The following NEDD4L variants were observed in gnomAD, a reference collection of about 807,000 sequenced individuals.
NEDD4L encodes NEDD4 like E3 ubiquitin protein ligase.
In NEDD4L, 54 loss-of-function variants were observed where a neutral mutation model predicts 148.9. The observed-to-expected ratio is 0.36, with a 90% CI of 0.29 to 0.45. The LOEUF is 0.45. NEDD4L is among the 20% of genes least tolerant of loss of function. The pLI is 1.00. For synonymous variants in NEDD4L, 433 were observed against 440.7 expected (o/e 0.98, Z 0.22); for missense variants, 856 against 1,233.8 (o/e 0.69, Z 4.59).
At chr18:58,072,658 A>G (rs2082927698) in intron 1 of NEDD4L, among the ~76,000 whole-genome samples, 1 of 152,224 alleles carries the variant, frequency 6.6e-6, no homozygotes, top group African/African-American at 2.4e-5. Flanking sequence ...TTCTCCTAAG[A>G]TTATGAGTGA....
chr18:58,145,718 T>C (rs1484882141), intron 1 of NEDD4L, among the ~76,000 whole-genome samples: 1 of 152,098 alleles, frequency 6.6e-6, no homozygotes. Flanking sequence ...TAGAAGTGGA[T>C]TACTTGCAGC....
At chr18:58,218,276 G>T (rs960471848) in intron 2 of NEDD4L, among the ~76,000 whole-genome samples, 2 of 152,216 alleles carry the variant, frequency 1.3e-5, no homozygotes, top group South Asian at 4.1e-4. Context: ...AGTCTTTTAA[G>T]TGTAGTCAAC....
At chr18:58,115,680 A>G (rs925409376) in intron 1 of NEDD4L, among the ~76,000 whole-genome samples, 1 of 152,150 alleles carries the variant, frequency 6.6e-6, no homozygotes, top group African/African-American at 2.4e-5. Flanking sequence ...TGCTGCCTAA[A>G]TGGAGGGAAT....
intron 1 of NEDD4L, among the ~76,000 whole-genome samples, chr18:58,138,124 C>T (rs988907501): frequency 6.6e-6 from 1 of 152,116 alleles, no homozygotes; most frequent in Non-Finnish European, 1.5e-5. Context: ...TTTGATGGCT[C>T]CTCTCTTTTT....
rs144440798 is a variant in NEDD4L at position 58,226,553 on chromosome 18, A to G, written c.123-18874A>G. Among the ~76,000 whole-genome samples the G allele has an allele frequency of 1.7e-4, 26 of 152,306 alleles. No individual in the cohort carries two copies. In the East Asian group the frequency reaches 3.9e-3, roughly 23 times the overall value. ...AGCAACACAGTCATGAGACCATTCT[A>G]TTACTTCCTAAATTTCTTAAAGCTT... On this transcript the variant is annotated intron_variant, in intron 2 of 30. Transcript: ENST00000400345.
intron 1 of NEDD4L, among the ~76,000 whole-genome samples, chr18:58,106,834 T>C (rs893176314): frequency 6.6e-6 from 1 of 152,196 alleles, no homozygotes; most frequent in Non-Finnish European, 1.5e-5. Flanking sequence ...TAGAAAGGAC[T>C]TGAGCCAGGA....
rs192288228 is a variant in NEDD4L at position 58,229,072 on chromosome 18, G to A, written c.123-16355G>A. 1.5e-3 allele frequency among the ~76,000 whole-genome samples: 221 copies of A among 152,202 alleles called. 1 individual carries two copies. The highest frequency in any genetic ancestry group is 7.4e-4 in the Non-Finnish European group (50 of 68,006). ...CTAGAACACTGCTCTGCGGTAAAAC[G>A]ACTTTGCTAACCATGGAAGAGGGTG... On this transcript the variant is annotated intron_variant, in intron 2 of 30. Transcript: ENST00000400345.
At chr18:58,315,588 G>A (rs1216838403) in intron 5 of NEDD4L, among the ~76,000 whole-genome samples, 1 of 152,146 alleles carries the variant, frequency 6.6e-6, no homozygotes, top group East Asian at 1.9e-4. Flanking sequence ...CAGCTCTCAA[G>A]AAGCTCTTTA....
At chr18:58,096,079 G>C (rs1418139115) in intron 1 of NEDD4L, among the ~76,000 whole-genome samples, 1 of 152,068 alleles carries the variant, frequency 6.6e-6, no homozygotes, top group African/African-American at 2.4e-5. Flanking sequence ...AATGCCAAAT[G>C]TTTACATGGA....
chr18:58,143,992 G>T (rs1599076097), intron 1 of NEDD4L, among the ~76,000 whole-genome samples: 1 of 152,042 alleles, frequency 6.6e-6, no homozygotes, highest in South Asian at 2.1e-4. Flanking sequence ...AGGTGGTTCA[G>T]TTAGTATTTT....
intron 30 of NEDD4L, among the ~76,000 whole-genome samples, chr18:58,391,841 T>C (rs966271345): frequency 2.6e-5 from 4 of 152,260 alleles, no homozygotes; most frequent in Admixed American, 1.3e-4. Flanking sequence ...GAGCTTTCAC[T>C]GTTCAGCATA....
At chr18:58,276,699 AT>A (rs1237739091) in intron 5 of NEDD4L, among the ~76,000 whole-genome samples, 11 of 149,656 alleles carry the variant, frequency 7.4e-5, no homozygotes, top group Admixed American at 1.3e-4. Context: ...TAATAATATT[AT>A]TATTATTATT....
intron 1 of NEDD4L, among the ~76,000 whole-genome samples, chr18:58,153,687 C>G (rs945696772): frequency 4.0e-5 from 6 of 151,552 alleles, no homozygotes; most frequent in Non-Finnish European, 7.4e-5. Flanking sequence ...CGCTCTGTCC[C>G]CCAGGCTGGA....
rs924002448 is a variant in NEDD4L, at chr18:58,044,616, A to G, written c.-45A>G. 3 of 1,564,512 alleles carry G rather than the reference A, an allele frequency of 1.9e-6. No individual in the cohort carries two copies. Among genetic ancestry groups the G allele is most frequent in the Middle Eastern group, 1.7e-4 (1 of 5,784 alleles). ...GAGAACCGGCCGTCCGCGCCGCAGC[A>G]CAGCCGCTGGGAGCGCCTCAGACCC... On this transcript the variant is annotated 5_prime_UTR_variant, in exon 1 of 31. Transcript: ENST00000400345.
At chr18:58,060,616 A>G (rs2082290002) in intron 1 of NEDD4L, among the ~76,000 whole-genome samples, 1 of 152,194 alleles carries the variant, frequency 6.6e-6, no homozygotes, top group African/African-American at 2.4e-5. Context: ...GGAGGTGTCT[A>G]GAATAATCCC....
intron 1 of NEDD4L, among the ~76,000 whole-genome samples, chr18:58,147,890 C>G (rs2034264388): frequency 6.6e-6 from 1 of 152,146 alleles, no homozygotes; most frequent in Non-Finnish European, 1.5e-5. Context: ...TACTGTCCCC[C>G]AAAGCCCCAG....
At chr18:58,354,662 A>G (rs1207951809) in intron 18 of NEDD4L, among the ~76,000 whole-genome samples, 4 of 152,212 alleles carry the variant, frequency 2.6e-5, no homozygotes, top group Non-Finnish European at 1.5e-5. Context: ...TAAGTGGTAG[A>G]GAGGGGATTG....
At chr18:58,216,156 C>T (rs1352134415) in intron 2 of NEDD4L, among the ~76,000 whole-genome samples, 3 of 152,118 alleles carry the variant, frequency 2.0e-5, no homozygotes, top group Non-Finnish European at 4.4e-5. Context: ...TGCCATTTAT[C>T]ATCAGCAGAG....
intron 5 of NEDD4L, among the ~76,000 whole-genome samples, chr18:58,290,392 A>G (rs1279677371): frequency 6.6e-6 from 1 of 152,232 alleles, no homozygotes; most frequent in Non-Finnish European, 1.5e-5. Flanking sequence ...TACTTCACAA[A>G]TGTAAGGTAA....
Sources: gnomAD v4.1 joint callset for allele counts (sites outside exome capture counted in the v4.1 genomes callset) on GRCh38, gnomAD v4.1.1 for gene constraint, MANE v1.5 for transcripts, NCBI Gene and HGNC (gene_info 2026-07-23, HGNC 2026-07-21) for gene names.